ANXA10: variants seen among roughly 807,000 people sequenced by gnomAD.
ANXA10 encodes annexin A10.
ANXA10 carries 49 observed loss-of-function variants against 53.5 expected under a neutral mutation model. The ratio of observed to expected loss-of-function variants is 0.92; its 90% confidence interval spans 0.73 to 1.16. The LOEUF is 1.16. Among genes scored for constraint, ANXA10 ranks in the 50% most tolerant of loss-of-function variants. The pLI is 0.00. For synonymous variants in ANXA10, 131 were observed against 128.9 expected (o/e 1.02, Z -0.11); for missense variants, 393 against 394.4 (o/e 1.00, Z 0.03).
intron 1 of ANXA10, among the ~76,000 whole-genome samples, chr4:168,124,637 T>G (rs548689365): frequency 9.2e-5 from 14 of 152,284 alleles, no homozygotes; most frequent in African/African-American, 3.1e-4. Flanking sequence ...TCAGTTGGAT[T>G]GCAATATACT....
chr4:168,162,232 T>A (rs1261566032), intron 3 of ANXA10, among the ~76,000 whole-genome samples: 2 of 152,190 alleles, frequency 1.3e-5, no homozygotes, highest in African/African-American at 4.8e-5. Flanking sequence ...AACTTTTACA[T>A]ATTTTCATAA....
At position 168,110,463 on chromosome 4, in the gene ANXA10, G is replaced by A. The variant is rs1368766970; in HGVS notation, c.19-17621G>A. Among the ~76,000 whole-genome samples, 5 of 144,796 alleles carry A rather than the reference G, an allele frequency of 3.5e-5. 1 individual carries two copies. The South Asian group carries it at 1.1e-3, about 31-fold the overall frequency. The allele number at this position is 144,796 out of a possible 152,430, so 95.0% of individuals were successfully genotyped here. ...TTAATTCTTTTTTTTTTTTTTTTGA[G>A]ATTGGTACATCTTATTTCATTGACT... On this transcript the variant is annotated intron_variant, in intron 1 of 11. Coordinates refer to ENST00000359299, the MANE Select transcript of ANXA10 (RefSeq NM_007193.5).
At chr4:168,097,607 T>C (rs963991643) in intron 1 of ANXA10, among the ~76,000 whole-genome samples, 1 of 152,058 alleles carries the variant, frequency 6.6e-6, no homozygotes, top group Non-Finnish European at 1.5e-5. Context: ...AAAAAAAAAT[T>C]AAGCCTTGCT....
intron 3 of ANXA10, among the ~76,000 whole-genome samples, chr4:168,147,451 A>T (rs1731423933): frequency 6.6e-6 from 1 of 152,170 alleles, no homozygotes; most frequent in Admixed American, 6.5e-5. Context: ...ACCATCTATC[A>T]TAGAAACTTA....
intron 1 of ANXA10, among the ~76,000 whole-genome samples, chr4:168,096,129 G>C (rs1322544218): frequency 6.6e-6 from 1 of 152,188 alleles, no homozygotes; most frequent in African/African-American, 2.4e-5. Flanking sequence ...ACCTAGGAGT[G>C]ATTGCAGACT....
Position 168,118,455 on chromosome 4 carries a change from A to G in ANXA10, c.19-9629A>G, listed in dbSNP as rs893943945. Among the ~76,000 whole-genome samples the G allele has an allele frequency of 1.1e-4, 16 of 152,160 alleles. No homozygotes were observed. The East Asian group carries it at 2.5e-3, about 24-fold the overall frequency. The stretch of plus-strand genomic sequence containing the variant: ...TTATGCTGTGCTCTCAGCTCCTGAA[A>G]AATTCTTTAGAACAACCTGAGAAGT... On this transcript the variant is annotated intron_variant, in intron 1 of 11. Coordinates refer to ENST00000359299, the MANE Select transcript of ANXA10 (RefSeq NM_007193.5).
intron 2 of ANXA10, among the ~76,000 whole-genome samples, chr4:168,132,821 G>C (rs1354838736): frequency 2.0e-5 from 3 of 151,932 alleles, no homozygotes; most frequent in African/African-American, 7.2e-5. Context: ...TAATAATTAT[G>C]TTCTTGCCTA....
chr4:168,126,377 C>T (rs983778695), intron 1 of ANXA10, among the ~76,000 whole-genome samples: 1 of 152,206 alleles, frequency 6.6e-6, no homozygotes, highest in Non-Finnish European at 1.5e-5. Context: ...ATTACCCACT[C>T]TTGCAACTTG....
intron 2 of ANXA10, among the ~76,000 whole-genome samples, chr4:168,136,648 C>T (rs1731242293): frequency 6.6e-6 from 1 of 152,228 alleles, no homozygotes; most frequent in Non-Finnish European, 1.5e-5. Flanking sequence ...CCCCATGGCT[C>T]TGCAGAGCTC....
intron 3 of ANXA10, among the ~76,000 whole-genome samples, chr4:168,144,555 A>G (rs1339703766): frequency 1.3e-5 from 2 of 152,198 alleles, no homozygotes; most frequent in African/African-American, 4.8e-5. Flanking sequence ...GTTTTTTTCT[A>G]TCATTTCCAA....
rs973489001 is a variant in ANXA10 at position 168,139,416 on chromosome 4, G to A, written c.101-70G>A. 1.5e-4 allele frequency: 190 copies of A among 1,305,262 alleles called. No homozygotes were observed. The East Asian group carries it at 4.3e-3, about 30-fold the overall frequency. 80.9% of individuals were successfully genotyped at this position (1,305,262 alleles called of 1,614,324 possible). ...TAATGCGTGCATACTGGTTATGATC[G>A]TTAGATAAAGGATTCTTCCCAACTA... On this transcript the variant is annotated intron_variant, in intron 2 of 11. Transcript: ENST00000359299.
At chr4:168,134,194 A>C (rs1482698405) in intron 2 of ANXA10, among the ~76,000 whole-genome samples, 2 of 152,146 alleles carry the variant, frequency 1.3e-5, no homozygotes, top group Admixed American at 6.5e-5. Flanking sequence ...TTAGCAAAAT[A>C]AACCTTCTTG....
At chr4:168,152,714 C>CAT (rs953575678) in intron 3 of ANXA10, among the ~76,000 whole-genome samples, 201 of 149,320 alleles carry the variant, frequency 1.3e-3, no homozygotes, top group African/African-American at 3.9e-3. Context: ...AAGTAAATTA[C>CAT]ATATATATAT....
At chr4:168,149,813 A>G (rs937944806) in intron 3 of ANXA10, among the ~76,000 whole-genome samples, 3 of 152,226 alleles carry the variant, frequency 2.0e-5, no homozygotes, top group African/African-American at 7.2e-5. Flanking sequence ...CTCAAAGCCT[A>G]GGCAATGAGT....
rs558215394 is a variant in ANXA10 at position 168,112,482 on chromosome 4, C to T, written c.19-15602C>T. ...TTTTGGTTGCTATTAAAATATTTAA[C>T]GATAATTTGTAGACAATGAGATCAT... is the stretch of plus-strand genomic sequence containing the variant. On this transcript the variant is annotated intron_variant, in intron 1 of 11. Transcript: ENST00000359299. 1.4e-4 allele frequency among the ~76,000 whole-genome samples: 21 copies of T among 152,134 alleles called. No individual in the cohort carries two copies. The South Asian group carries it at 2.7e-3, about 20-fold the overall frequency.
intron 1 of ANXA10, among the ~76,000 whole-genome samples, chr4:168,094,848 C>T (rs1355858239): frequency 1.3e-5 from 2 of 151,944 alleles, no homozygotes; most frequent in Non-Finnish European, 2.9e-5. Flanking sequence ...TGGAGTTAGG[C>T]GGGCCCCAGT....
chr4:168,164,153 C>T, intron 4 of ANXA10, 45 bp from the exon 5 acceptor site: 1 of 1,401,254 alleles, frequency 7.1e-7, no homozygotes, highest in Non-Finnish European at 1.0e-6. Flanking sequence ...ACTATTACTT[C>T]CAATAAAAAT....
chr4:168,109,544 C>T (rs1315627085), intron 1 of ANXA10, among the ~76,000 whole-genome samples: 2 of 151,972 alleles, frequency 1.3e-5, no homozygotes, highest in African/African-American at 2.4e-5. Flanking sequence ...AAATAAATCA[C>T]CAAGTTAGTA....
chr4:168,132,967 CA>C (rs2149470770), intron 2 of ANXA10, among the ~76,000 whole-genome samples: 1 of 152,154 alleles, frequency 6.6e-6, no homozygotes, highest in Admixed American at 6.5e-5. Context: ...TGGTCATTTG[CA>C]GACATGTGCA....
Sources: gnomAD v4.1 joint callset for allele counts (sites outside exome capture counted in the v4.1 genomes callset) on GRCh38, gnomAD v4.1.1 for gene constraint, MANE v1.5 for transcripts, NCBI Gene and HGNC (gene_info 2026-07-23, HGNC 2026-07-21) for gene names.